NUAK1: variants seen among roughly 807,000 people sequenced by gnomAD.
The protein encoded by NUAK1 is NUAK family SNF1-like kinase 1.
In NUAK1, 26 loss-of-function variants were observed where a neutral mutation model predicts 56.9. The ratio of observed to expected loss-of-function variants is 0.46; its 90% confidence interval spans 0.33 to 0.63. NUAK1 has a LOEUF of 0.63. Ranked by LOEUF, NUAK1 falls within the 30% of genes least tolerant of loss-of-function variation. NUAK1 has a pLI of 0.02. For missense variants in NUAK1, 727 were observed against 876.1 expected, an observed-to-expected ratio of 0.83 and a Z score of 2.15; for synonymous variants, 337 against 336.0, an observed-to-expected ratio of 1.00 and a Z score of -0.03.
Position 106,070,323 on chromosome 12 carries a change from G to T in NUAK1, c.832+451C>A, listed in dbSNP as rs12303976. Among the ~76,000 whole-genome samples the T allele has an allele frequency of 7.4e-3, 1,122 of 152,272 alleles. 12 individuals carry two copies. Among genetic ancestry groups the T allele is most frequent in the African/African-American group, 0.026 (1,085 of 41,556 alleles). On this transcript the variant is annotated intron_variant, in intron 6 of 6. Coordinates refer to ENST00000261402, the MANE Select transcript of NUAK1 (RefSeq NM_014840.3). ...GCAGATGGGGTAGAGTTGTTACACA[G>T]AAATCAATAATGAGACAGAACCCAT...
At chr12:106,126,536 T>C (rs1165193102) in intron 1 of NUAK1, among the ~76,000 whole-genome samples, 1 of 152,214 alleles carries the variant, frequency 6.6e-6, no homozygotes, top group Non-Finnish European at 1.5e-5. Flanking sequence ...TCTCATAGAA[T>C]GGTTCTAAGA....
At chr12:106,084,028 C>T in intron 3 of NUAK1, 99 bp from the exon 4 acceptor site, 3 of 1,036,576 alleles carry the variant, frequency 2.9e-6, no homozygotes, top group Non-Finnish European at 4.5e-6. Flanking sequence ...AAATGTCTGA[C>T]AGATTAAAGA....
At chr12:106,126,949 G>T (rs1232050600) in intron 1 of NUAK1, among the ~76,000 whole-genome samples, 2 of 152,180 alleles carry the variant, frequency 1.3e-5, no homozygotes, top group African/African-American at 4.8e-5. Context: ...AATGAGCAAA[G>T]ATTCCTCTGA....
intron 1 of NUAK1, among the ~76,000 whole-genome samples, chr12:106,109,946 C>T (rs2032841603): frequency 6.6e-6 from 1 of 152,150 alleles, no homozygotes; most frequent in African/African-American, 2.4e-5. Context: ...AACTTGAATT[C>T]CTCCTGGCTC....
intron 1 of NUAK1, among the ~76,000 whole-genome samples, chr12:106,128,479 T>C (rs2033046216): frequency 6.6e-6 from 1 of 152,180 alleles, no homozygotes; most frequent in African/African-American, 2.4e-5. Context: ...TCCATGATCC[T>C]GTAGAAGACT....
chr12:106,068,228 T>G (rs1367336738), intron 6 of NUAK1, among the ~76,000 whole-genome samples: 1 of 152,246 alleles, frequency 6.6e-6, no homozygotes, highest in African/African-American at 2.4e-5. Flanking sequence ...TACTAAGCTT[T>G]TCATCATCTT....
chr12:106,099,107 C>T (rs892148217), intron 2 of NUAK1, among the ~76,000 whole-genome samples: 11 of 152,262 alleles, frequency 7.2e-5, no homozygotes, highest in Middle Eastern at 6.8e-3. Flanking sequence ...AAGCCAGTTA[C>T]GTTTGTATTT....
At chr12:106,072,931 G>C in intron 4 of NUAK1, 88 bp from the exon 5 acceptor site, 1 of 1,480,212 alleles carries the variant, frequency 6.8e-7, no homozygotes, top group South Asian at 1.2e-5. Context: ...AGCACACAGA[G>C]TGGATGAAGG....
chr12:106,133,203 C>T (rs1184175381), intron 1 of NUAK1, among the ~76,000 whole-genome samples: 1 of 152,144 alleles, frequency 6.6e-6, no homozygotes, highest in African/African-American at 2.4e-5. Flanking sequence ...TCACCTTCCC[C>T]CAAACACAAG....
chr12:106,101,484 G>A (rs1316334010), intron 2 of NUAK1, among the ~76,000 whole-genome samples: 1 of 152,156 alleles, frequency 6.6e-6, no homozygotes. Flanking sequence ...TATGACTGGT[G>A]TTCTCATGAG....
rs145917828 is a variant in NUAK1, at chr12:106,114,512, A to C, written c.241-7987T>G. Among the ~76,000 whole-genome samples, 16 of 152,384 alleles carry C rather than the reference A, an allele frequency of 1.0e-4. No individual in the cohort carries two copies. In the East Asian group the frequency reaches 3.1e-3, roughly 29 times the overall value. ...CAAATAGTACCTACGGCAGAAGCCA[A>C]AATGAGGACTGTTATCATGAGTAGA... On this transcript the variant is annotated intron_variant, in intron 1 of 6. Coordinates refer to ENST00000261402, the MANE Select transcript of NUAK1 (RefSeq NM_014840.3).
chr12:106,120,267 A>G (rs1033880236), intron 1 of NUAK1, among the ~76,000 whole-genome samples: 1 of 152,222 alleles, frequency 6.6e-6, no homozygotes, highest in Non-Finnish European at 1.5e-5. Context: ...CCCTTTGCTA[A>G]GGATAAGAAG....
intron 1 of NUAK1, among the ~76,000 whole-genome samples, chr12:106,133,539 G>A (rs911723797): frequency 3.3e-5 from 5 of 152,094 alleles, no homozygotes; most frequent in African/African-American, 9.7e-5. Flanking sequence ...CTGACCCTTG[G>A]CAAGTTACCT....
intron 2 of NUAK1, among the ~76,000 whole-genome samples, chr12:106,089,664 C>T (rs764175111): frequency 2.8e-4 from 43 of 152,170 alleles, no homozygotes; most frequent in Non-Finnish European, 5.7e-4. Context: ...TGGCAGGTGC[C>T]TGTAACCCCA....
Position 106,064,534 on chromosome 12 carries a change from C to T in NUAK1, c.*2268G>A, listed in dbSNP as rs912030317. 5 of 152,200 alleles carry T rather than the reference C, an allele frequency of 3.3e-5. No individual in the cohort carries two copies. In the South Asian group the frequency reaches 8.3e-4, roughly 25 times the overall value. The allele number at this position is 152,200 out of a possible 1,614,324, so 9.4% of individuals were successfully genotyped here. Reference sequence around the variant, plus strand: ...AAGAAGGGAGTAGACTGACTTTCCTCAATAGTGTCATTTTTACTTAAAGAC... The same window carrying T: ...AAGAAGGGAGTAGACTGACTTTCCTTAATAGTGTCATTTTTACTTAAAGAC... On this transcript the variant is annotated 3_prime_UTR_variant, in exon 7 of 7. Transcript: ENST00000261402.
At chr12:106,078,146 G>C (rs2032481860) in intron 4 of NUAK1, among the ~76,000 whole-genome samples, 1 of 152,250 alleles carries the variant, frequency 6.6e-6, no homozygotes, top group African/African-American at 2.4e-5. Context: ...CAGGGGGACT[G>C]CTTGAGGCCA....
chr12:106,090,918 T>C (rs2032628584), intron 2 of NUAK1, among the ~76,000 whole-genome samples: 1 of 152,180 alleles, frequency 6.6e-6, no homozygotes, highest in Non-Finnish European at 1.5e-5. Context: ...TTGGGTGTTA[T>C]TTTTCCAGAA....
At chr12:106,086,923 T>C (rs746078229) in intron 2 of NUAK1, 38 bp from the exon 3 acceptor site, 8 of 1,595,038 alleles carry the variant, frequency 5.0e-6, no homozygotes, top group Non-Finnish European at 6.9e-6. Flanking sequence ...ACACCCCGTT[T>C]AGCCAACAAG....
At position 106,106,247 on chromosome 12, in the gene NUAK1, A is replaced by G. The variant is rs184436976; in HGVS notation, c.361+158T>C. 126 of 604,250 alleles carry G rather than the reference A, an allele frequency of 2.1e-4. No homozygotes were observed. The African/African-American group carries it at 2.2e-3, about 10-fold the overall frequency. 37.4% of individuals were successfully genotyped at this position (604,250 alleles called of 1,614,324 possible). ...GCACTCATGTGTCTGGTTGTGTTCA[A>G]GGTAACCAAGTAAGAGATAACACCC... On this transcript the variant is annotated intron_variant, in intron 2 of 6. Coordinates refer to ENST00000261402, the MANE Select transcript of NUAK1 (RefSeq NM_014840.3).
Sources: allele counts gnomAD v4.1 joint callset (sites outside exome capture counted in the v4.1 genomes callset), GRCh38; gene constraint gnomAD v4.1.1; transcripts MANE v1.5; gene names NCBI Gene and HGNC (gene_info 2026-07-23, HGNC 2026-07-21).